The following ESYT2 variants were observed in gnomAD, a reference collection of about 807,000 sequenced individuals.
ESYT2 encodes the protein extended synaptotagmin-2.
In ESYT2, 54 loss-of-function variants were observed where a neutral mutation model predicts 107.2. That is an observed-to-expected ratio of 0.50 (90% CI 0.40 to 0.63). The LOEUF (loss-of-function observed/expected upper bound fraction) is 0.63, where lower values mean the gene tolerates loss of function less well. ESYT2 is among the 30% of genes least tolerant of loss of function. The pLI is 0.00. For missense variants in ESYT2, 1,020 were observed against 1,094.5 expected, an observed-to-expected ratio of 0.93 and a Z score of 0.96; for synonymous variants, 491 against 434.1, an observed-to-expected ratio of 1.13 and a Z score of -1.63.
chr7:158,741,569 G>T lies in ESYT2; in HGVS notation c.2122C>A (p.Pro708Thr). 6.2e-7 allele frequency: 1 copy of T among 1,605,250 alleles called. No individual in the cohort carries two copies. ...TPSIASDISLPIATQELRQRL... is the reference protein window; with the variant it reads ...TPSIASDISLTIATQELRQRL... ...TGCCGCAGCTCCTGGGTGGCGATGG[G>T]CAGCGAGATGTCCGAGGCGATGCTG... Residue 708 changes from proline (P) to threonine (T), a missense_variant, in exon 18 of 23, where the codon CCC becomes ACC. Transcript: ENST00000275418.
rs990484870 is a variant in ESYT2 at position 158,731,708 on chromosome 7, A to C, written c.*2499T>G. The C allele has an allele frequency of 6.6e-6, 1 of 152,660 alleles. No homozygotes were observed. The highest frequency in any genetic ancestry group is 2.4e-5 in the African/African-American group (1 of 41,458). 9.5% of individuals were successfully genotyped at this position (152,660 alleles called of 1,614,324 possible). ...TACGAGCTAACAGAGCTGCACTTCAAATTTACTAAGTTAATTAATTTTCCC... is the reference window on the plus strand; with the variant it reads ...TACGAGCTAACAGAGCTGCACTTCACATTTACTAAGTTAATTAATTTTCCC... On this transcript the variant is annotated 3_prime_UTR_variant, in exon 23 of 23. Coordinates refer to ENST00000275418, the MANE Select transcript of ESYT2 (RefSeq NM_001367773.1).
At chr7:158,760,320 G>C (rs1563632723) in intron 11 of ESYT2, among the ~76,000 whole-genome samples, 173 bp from the exon 12 acceptor site, 2 of 152,242 alleles carry the variant, frequency 1.3e-5, no homozygotes, top group Middle Eastern at 3.2e-3. Flanking sequence ...GTGGATGCCA[G>C]TGACCTCACG....
chr7:158,747,751 C>A (rs1438628752), intron 16 of ESYT2, among the ~76,000 whole-genome samples: 1 of 152,196 alleles, frequency 6.6e-6, no homozygotes, highest in Non-Finnish European at 1.5e-5. Context: ...GTGATATTCA[C>A]AGCAGATTTA....
At chr7:158,805,996 C>T (rs902344508) in intron 1 of ESYT2, among the ~76,000 whole-genome samples, 1 of 152,184 alleles carries the variant, frequency 6.6e-6, no homozygotes, top group Non-Finnish European at 1.5e-5. Flanking sequence ...ACAGCTGTGG[C>T]CACCATGGGC....
chr7:158,808,488 A>G (rs1839898702), intron 1 of ESYT2, among the ~76,000 whole-genome samples: 1 of 152,256 alleles, frequency 6.6e-6, no homozygotes, highest in Non-Finnish European at 1.5e-5. Flanking sequence ...GAAGCCATTG[A>G]GTGCTTCCTT....
intron 1 of ESYT2, 112 bp from the exon 2 acceptor site, chr7:158,799,184 T>A: frequency 1.1e-6 from 1 of 925,366 alleles, no homozygotes; most frequent in Non-Finnish European, 1.7e-6. Context: ...AAGATGCTTC[T>A]TTAAAACACT....
At chr7:158,755,980 C>A (rs1396110381) in intron 13 of ESYT2, among the ~76,000 whole-genome samples, 3 of 152,116 alleles carry the variant, frequency 2.0e-5, no homozygotes, top group East Asian at 1.9e-4. Flanking sequence ...CAAACCTGCA[C>A]GTTGTGCACA....
chr7:158,782,426 AGT>A (rs1429394211), intron 6 of ESYT2, among the ~76,000 whole-genome samples: 2 of 149,738 alleles, frequency 1.3e-5, no homozygotes, highest in South Asian at 2.1e-4. Flanking sequence ...GTGAGAACAA[AGT>A]GAGGTGTGAG....
At chr7:158,802,311 G>A (rs1038160236) in intron 1 of ESYT2, among the ~76,000 whole-genome samples, 17 of 151,808 alleles carry the variant, frequency 1.1e-4, no homozygotes, top group Non-Finnish European at 1.3e-4. Context: ...TTTTGAGATG[G>A]AGTCTAACTC....
intron 1 of ESYT2, among the ~76,000 whole-genome samples, chr7:158,815,883 T>C (rs558157781): frequency 6.6e-6 from 1 of 152,164 alleles, no homozygotes; most frequent in South Asian, 2.1e-4. Context: ...ATAAATCTGA[T>C]TTCTGAGATG....
chr7:158,739,795 C>T (rs547421260), intron 18 of ESYT2, among the ~76,000 whole-genome samples: 1 of 140,384 alleles, frequency 7.1e-6, no homozygotes, highest in East Asian at 3.0e-4. Context: ...TATTTATACC[C>T]CCCCCTTCGC....
At chr7:158,788,263 A>G (rs1839175611) in intron 5 of ESYT2, 82 bp downstream of exon 5, 1 of 1,401,848 alleles carries the variant, frequency 7.1e-7, no homozygotes, top group Non-Finnish European at 9.7e-7. Flanking sequence ...CAAGCTAAAA[A>G]AACTTCCTAA....
chr7:158,775,233 G>A (rs574634516), intron 6 of ESYT2, among the ~76,000 whole-genome samples: 14 of 152,176 alleles, frequency 9.2e-5, no homozygotes, highest in African/African-American at 1.4e-4. Context: ...CCTTCAGCGC[G>A]TCATAATCTG....
At chr7:158,761,274 T>C (rs1458099746) in intron 11 of ESYT2, among the ~76,000 whole-genome samples, 1 of 152,238 alleles carries the variant, frequency 6.6e-6, no homozygotes, top group South Asian at 2.1e-4. Flanking sequence ...CAGCATATGG[T>C]AGGGACTCAA....
At chr7:158,816,847 T>C (rs1329386494) in intron 1 of ESYT2, among the ~76,000 whole-genome samples, 1 of 152,114 alleles carries the variant, frequency 6.6e-6, no homozygotes, top group African/African-American at 2.4e-5. Context: ...GTAGGAAGAG[T>C]ATTGTTACTT....
chr7:158,814,794 C>T (rs1335277649), intron 1 of ESYT2, among the ~76,000 whole-genome samples: 5 of 152,226 alleles, frequency 3.3e-5, no homozygotes, highest in Non-Finnish European at 7.3e-5. Flanking sequence ...GCGGGTACAC[C>T]TGACTTGTAC....
intron 1 of ESYT2, among the ~76,000 whole-genome samples, chr7:158,817,418 G>A (rs1840174795): frequency 6.6e-6 from 1 of 152,186 alleles, no homozygotes; most frequent in African/African-American, 2.4e-5. Context: ...TTGCCAATCA[G>A]AAAAATCTTT....
intron 17 of ESYT2, 23 bp from the exon 18 acceptor site, chr7:158,741,919 A>G (rs748259902): frequency 3.2e-6 from 5 of 1,547,770 alleles, no homozygotes; most frequent in Admixed American, 2.0e-5. Context: ...ATAAACATAA[A>G]AATTAAACTT....
intron 6 of ESYT2, among the ~76,000 whole-genome samples, chr7:158,775,489 C>A (rs143012270): frequency 2.1e-4 from 32 of 152,360 alleles, no homozygotes; most frequent in East Asian, 3.9e-4. Flanking sequence ...TATTCTAAAT[C>A]GCTTATTGTC....
Sources: gnomAD v4.1 joint callset for allele counts (sites outside exome capture counted in the v4.1 genomes callset) on GRCh38, gnomAD v4.1.1 for gene constraint, MANE v1.5 for transcripts, NCBI Gene and HGNC (gene_info 2026-07-23, HGNC 2026-07-21) for gene names.